Variants in MAPKAPK5 observed in about 807,000 individuals in gnomAD.
MAPKAPK5 encodes the protein MAPK activated protein kinase 5.
Under a neutral mutation model 65.1 loss-of-function variants are expected in MAPKAPK5, and 30 were observed. The observed-to-expected ratio is 0.46, with a 90% CI of 0.34 to 0.63. MAPKAPK5 has a LOEUF of 0.63. MAPKAPK5 is among the 20% of genes least tolerant of loss of function. The probability of loss-of-function intolerance (pLI) is 0.01; values close to 1 mark genes in which losing one functional copy is unlikely to be tolerated. For synonymous variants in MAPKAPK5, 179 were observed against 204.6 expected (o/e 0.87, Z 1.07); for missense variants, 433 against 581.4 (o/e 0.74, Z 2.63).
chr12:111,877,505 A>G (rs1004618389), intron 7 of MAPKAPK5, among the ~76,000 whole-genome samples: 9 of 152,166 alleles, frequency 5.9e-5, no homozygotes, highest in South Asian at 2.1e-4. Flanking sequence ...TGCATTCCCT[A>G]ATGAGTAATG....
Position 111,857,533 on chromosome 12 carries a change from C to T in MAPKAPK5, c.37-7717C>T, listed in dbSNP as rs550440754. Among the ~76,000 whole-genome samples the T allele has an allele frequency of 3.9e-5, 6 of 152,300 alleles. No homozygotes were observed. The South Asian group carries it at 8.3e-4, about 21-fold the overall frequency. ...CCTACCAAAGTGCTAGGATTACAGA[C>T]GTGAGCCACCGTGCCCGGCCTGATC... On this transcript the variant is annotated intron_variant, in intron 1 of 13. Transcript: ENST00000550735.
intron 9 of MAPKAPK5, chr12:111,885,669 G>A (rs2070376502): frequency 2.2e-6 from 1 of 454,360 alleles, no homozygotes; most frequent in Non-Finnish European, 3.9e-6. Flanking sequence ...GAACTCAAAA[G>A]TATCACTGGA....
intron 7 of MAPKAPK5, among the ~76,000 whole-genome samples, chr12:111,874,272 G>A (rs919250527): frequency 6.6e-5 from 10 of 151,790 alleles, no homozygotes; most frequent in African/African-American, 2.2e-4. Flanking sequence ...GCCGGTGCCT[G>A]TAATCTCAGC....
intron 1 of MAPKAPK5, 58 bp from the exon 2 acceptor site, chr12:111,865,192 A>G: frequency 9.3e-7 from 1 of 1,073,622 alleles, no homozygotes. Flanking sequence ...ATCTCTGCTT[A>G]TTCAGTTTGT....
At chr12:111,863,538 A>T (rs1014089530) in intron 1 of MAPKAPK5, among the ~76,000 whole-genome samples, 1 of 151,620 alleles carries the variant, frequency 6.6e-6, no homozygotes, top group African/African-American at 2.4e-5. Context: ...AGCGAGCGGG[A>T]TTCTTGTGCT....
intron 3 of MAPKAPK5, 65 bp from the exon 4 acceptor site, chr12:111,867,507 C>A: frequency 3.5e-6 from 4 of 1,159,196 alleles, no homozygotes; most frequent in South Asian, 2.6e-5. Flanking sequence ...CTAGTATGGT[C>A]AGTTTTTGGA....
intron 5 of MAPKAPK5, among the ~76,000 whole-genome samples, chr12:111,869,115 AG>A (rs59035903): frequency 0.2 from 29,683 of 152,110 alleles, 3,096 homozygotes; most frequent in Middle Eastern, 0.27. Context: ...AAACTCTGGA[AG>A]GAAGGCATCT....
chr12:111,869,606 A>G (rs1366036194), intron 5 of MAPKAPK5, among the ~76,000 whole-genome samples: 1 of 152,236 alleles, frequency 6.6e-6, no homozygotes, highest in Admixed American at 6.5e-5. Context: ...AGGAACTGAT[A>G]CTTGGATTGC....
intron 7 of MAPKAPK5, 100 bp downstream of exon 7, chr12:111,871,280 G>A: frequency 1.1e-6 from 1 of 891,106 alleles, no homozygotes; most frequent in Non-Finnish European, 1.8e-6. Context: ...ATTACAGATG[G>A]GAGGGGGAGA....
At chr12:111,846,065 A>G (rs1421966443) in intron 1 of MAPKAPK5, among the ~76,000 whole-genome samples, 2 of 152,224 alleles carry the variant, frequency 1.3e-5, no homozygotes. Context: ...TTCTTCACTC[A>G]GAAGTACTCA....
chr12:111,855,197 A>C (rs188916019), intron 1 of MAPKAPK5, among the ~76,000 whole-genome samples: 1 of 151,836 alleles, frequency 6.6e-6, no homozygotes. Flanking sequence ...AGGTTTGTTA[A>C]CTTTGTTGAT....
In MAPKAPK5 at chr12:111,896,483, T is replaced by TTCCTA. The variant is rs1347065393; in HGVS notation, c.*3423_*3427dup. 6.6e-6 allele frequency: 1 copy of TTCCTA among 152,194 alleles called. No homozygotes were observed. The highest frequency in any genetic ancestry group is 1.5e-5 in the Non-Finnish European group (1 of 68,032). The allele number at this position is 152,194 out of a possible 1,614,324, so 9.4% of individuals were successfully genotyped here. On this transcript the variant is annotated 3_prime_UTR_variant, in exon 14 of 14. Coordinates refer to ENST00000550735, the MANE Select transcript of MAPKAPK5 (RefSeq NM_003668.4). The stretch of plus-strand genomic sequence containing the variant: ...TTCGAAGTGGAGTTTTGTTTGTGTA[T>TTCCTA]TCCTAGTCCAGCAGTAAATTCTGCT...
chr12:111,855,039 C>G lies in MAPKAPK5; in HGVS notation c.37-10211C>G, dbSNP rs911362268. Among the ~76,000 whole-genome samples, 24 of 152,082 alleles carry G rather than the reference C, an allele frequency of 1.6e-4. 1 individual carries two copies. Among genetic ancestry groups the G allele is most frequent in the Admixed American group, 1.3e-4 (2 of 15,262 alleles). The stretch of plus-strand genomic sequence containing the variant: ...CTTTCTAGAAATTTGTCCATTTTAT[C>G]TAGTGCTTTAATTTGTTGGCATAAA... On this transcript the variant is annotated intron_variant, in intron 1 of 13. Coordinates refer to ENST00000550735, the MANE Select transcript of MAPKAPK5 (RefSeq NM_003668.4).
intron 7 of MAPKAPK5, among the ~76,000 whole-genome samples, chr12:111,872,307 T>C (rs1225143720): frequency 6.6e-6 from 1 of 152,184 alleles, no homozygotes; most frequent in Non-Finnish European, 1.5e-5. Context: ...TCTTAGTCAT[T>C]CTGGTAGCGG....
At chr12:111,873,833 C>A (rs1223536057) in intron 7 of MAPKAPK5, among the ~76,000 whole-genome samples, 1 of 152,122 alleles carries the variant, frequency 6.6e-6, no homozygotes, top group Non-Finnish European at 1.5e-5. Flanking sequence ...CTTTGCATTT[C>A]TCTACATTTT....
rs558865846 is a variant in MAPKAPK5 at position 111,896,745 on chromosome 12, T to G, written c.*3684T>G. The G allele has an allele frequency of 1.3e-5, 2 of 152,342 alleles. No individual in the cohort carries two copies. Among genetic ancestry groups the G allele is most frequent in the South Asian group, 4.1e-4 (2 of 4,828 alleles). 9.4% of individuals were successfully genotyped at this position (152,342 alleles called of 1,614,324 possible). On this transcript the variant is annotated 3_prime_UTR_variant, in exon 14 of 14. Coordinates refer to ENST00000550735, the MANE Select transcript of MAPKAPK5 (RefSeq NM_003668.4). ...ATACTTTTAGACTTTACCACAGTTA[T>G]AAAAGTCAGCTTGATGTAGTAAAAA...
Position 111,894,429 on chromosome 12 carries a change from C to A in MAPKAPK5, c.*1368C>A, listed in dbSNP as rs1221679619. On this transcript the variant is annotated 3_prime_UTR_variant, in exon 14 of 14. Coordinates refer to ENST00000550735, the MANE Select transcript of MAPKAPK5 (RefSeq NM_003668.4). Reference sequence around the variant, plus strand: ...TGCAGCCTTCACCAGCTCCATTACTCCTTATTTCTGTTCCCTGTTCCTCTG... The same window carrying A: ...TGCAGCCTTCACCAGCTCCATTACTACTTATTTCTGTTCCCTGTTCCTCTG... 2 of 152,370 alleles carry A rather than the reference C, an allele frequency of 1.3e-5. No homozygotes were observed. Among genetic ancestry groups the A allele is most frequent in the African/African-American group, 4.8e-5 (2 of 41,440 alleles). The allele number at this position is 152,370 out of a possible 1,614,324, so 9.4% of individuals were successfully genotyped here.
intron 1 of MAPKAPK5, among the ~76,000 whole-genome samples, chr12:111,852,301 C>A (rs1375671716): frequency 6.6e-6 from 1 of 152,180 alleles, no homozygotes; most frequent in Non-Finnish European, 1.5e-5. Flanking sequence ...CCATGCCCTT[C>A]ACCTCTTCTA....
At chr12:111,881,703 G>C (rs1450439139) in intron 8 of MAPKAPK5, among the ~76,000 whole-genome samples, 1 of 152,182 alleles carries the variant, frequency 6.6e-6, no homozygotes, top group African/African-American at 2.4e-5. Context: ...ACCGTGCCCA[G>C]CCGATCCTAT....
Sources: gnomAD v4.1 joint callset for allele counts (sites outside exome capture counted in the v4.1 genomes callset) on GRCh38, gnomAD v4.1.1 for gene constraint, MANE v1.5 for transcripts, NCBI Gene and HGNC (gene_info 2026-07-23, HGNC 2026-07-21) for gene names.